The following PLXDC2 variants were observed in gnomAD, a reference collection of about 807,000 sequenced individuals.
PLXDC2 encodes plexin domain-containing protein 2.
PLXDC2 carries 40 observed loss-of-function variants against 68.9 expected under a neutral mutation model. That is an observed-to-expected ratio of 0.58 (90% CI 0.45 to 0.76). The LOEUF (loss-of-function observed/expected upper bound fraction) is 0.76. Ranked by LOEUF, PLXDC2 falls within the 30% of genes least tolerant of loss-of-function variation. The pLI is 0.00. For synonymous variants in PLXDC2, 243 were observed against 234.2 expected (o/e 1.04, Z -0.34); for missense variants, 644 against 661.9 (o/e 0.97, Z 0.30).
intron 4 of PLXDC2, among the ~76,000 whole-genome samples, chr10:20,069,268 G>C (rs1836275747): frequency 1.3e-5 from 2 of 152,298 alleles, no homozygotes; most frequent in East Asian, 1.9e-4. Context: ...CACCAACTCT[G>C]AGTGATGGTA....
intron 1 of PLXDC2, among the ~76,000 whole-genome samples, chr10:19,911,485 T>C (rs192123182): frequency 1.3e-5 from 2 of 151,216 alleles, no homozygotes; most frequent in East Asian, 3.9e-4. Flanking sequence ...CCTTACATTA[T>C]ATTTGCTTGT....
chr10:20,206,039 A>G (rs894603786), intron 9 of PLXDC2, among the ~76,000 whole-genome samples: 2 of 152,134 alleles, frequency 1.3e-5, no homozygotes, highest in African/African-American at 4.8e-5. Flanking sequence ...TGTTCTTATC[A>G]CAAAAAGATC....
At chr10:20,192,231 A>C (rs1191521182) in intron 9 of PLXDC2, among the ~76,000 whole-genome samples, 3 of 152,044 alleles carry the variant, frequency 2.0e-5, no homozygotes, top group Non-Finnish European at 4.4e-5. Context: ...AGCCTTACCA[A>C]GTATGTGCAC....
intron 1 of PLXDC2, among the ~76,000 whole-genome samples, chr10:19,963,855 C>T (rs1369257734): frequency 6.6e-6 from 1 of 151,446 alleles, no homozygotes; most frequent in African/African-American, 2.4e-5. Context: ...AAACAAAAAA[C>T]AAGCTTTTGT....
intron 12 of PLXDC2, among the ~76,000 whole-genome samples, chr10:20,226,509 C>T (rs1835289482): frequency 6.6e-6 from 1 of 152,150 alleles, no homozygotes; most frequent in African/African-American, 2.4e-5. Flanking sequence ...TTACAAAACA[C>T]TTTTGACCCA....
At chr10:19,836,021 A>T (rs925345635) in intron 1 of PLXDC2, among the ~76,000 whole-genome samples, 1 of 151,966 alleles carries the variant, frequency 6.6e-6, no homozygotes. Context: ...AAATAAAAAT[A>T]AAAAAATTAG....
intron 7 of PLXDC2, among the ~76,000 whole-genome samples, chr10:20,174,630 A>G (rs760131867): frequency 2.2e-4 from 33 of 152,060 alleles, no homozygotes; most frequent in Non-Finnish European, 3.2e-4. Context: ...ACATCACACA[A>G]TGGGGCCTGT....
chr10:19,937,932 G>A (rs1010664191), intron 1 of PLXDC2, among the ~76,000 whole-genome samples: 2 of 152,094 alleles, frequency 1.3e-5, no homozygotes, highest in East Asian at 1.9e-4. Context: ...GACTTTGTCT[G>A]ATATCAGTGG....
chr10:19,934,875 GAC>G (rs1833697031), intron 1 of PLXDC2, among the ~76,000 whole-genome samples: 1 of 150,320 alleles, frequency 6.7e-6, no homozygotes, highest in African/African-American at 2.5e-5. Context: ...AGGTGAAACA[GAC>G]CCTTTCACTG....
intron 2 of PLXDC2, among the ~76,000 whole-genome samples, chr10:20,009,865 G>A (rs1213952473): frequency 6.6e-6 from 1 of 151,660 alleles, no homozygotes; most frequent in Non-Finnish European, 1.5e-5. Flanking sequence ...ATACAGAAAG[G>A]CAAGTTTGCA....
At chr10:19,966,222 A>G (rs975593136) in intron 1 of PLXDC2, among the ~76,000 whole-genome samples, 3 of 126,074 alleles carry the variant, frequency 2.4e-5, no homozygotes, top group African/African-American at 7.4e-5. Context: ...CTACGTATAC[A>G]TATATACACA....
intron 4 of PLXDC2, among the ~76,000 whole-genome samples, chr10:20,104,008 A>G (rs1014576122): frequency 5.9e-5 from 9 of 152,220 alleles, no homozygotes; most frequent in South Asian, 2.1e-4. Flanking sequence ...CATGGGGTCC[A>G]GTACCTGAAG....
At chr10:19,891,613 T>C (rs1837965316) in intron 1 of PLXDC2, among the ~76,000 whole-genome samples, 1 of 152,188 alleles carries the variant, frequency 6.6e-6, no homozygotes, top group South Asian at 2.1e-4. Context: ...GCTTCCTGTG[T>C]CTTCCCTACA....
At chr10:20,179,828 A>C (rs1834577428) in intron 9 of PLXDC2, among the ~76,000 whole-genome samples, 1 of 152,054 alleles carries the variant, frequency 6.6e-6, no homozygotes, top group Non-Finnish European at 1.5e-5. Context: ...AGTGAAGGAA[A>C]CTGAAATTTT....
chr10:19,826,795 G>A lies in PLXDC2; in HGVS notation c.112+9604G>A, dbSNP rs1332497248. Among the ~76,000 whole-genome samples, 4 of 152,074 alleles carry A rather than the reference G, an allele frequency of 2.6e-5. No individual in the cohort carries two copies. The East Asian group carries it at 5.8e-4, about 22-fold the overall frequency. ...ATTTTATGAAAACCTTTTGTTTTACGTGAAGTGTGAGTAAATATAGCTCCT... is the reference window on the plus strand; with the variant it reads ...ATTTTATGAAAACCTTTTGTTTTACATGAAGTGTGAGTAAATATAGCTCCT... On this transcript the variant is annotated intron_variant, in intron 1 of 13. Coordinates refer to ENST00000377252, the MANE Select transcript of PLXDC2 (RefSeq NM_032812.9).
At chr10:19,888,553 T>C (rs1837889841) in intron 1 of PLXDC2, among the ~76,000 whole-genome samples, 1 of 152,118 alleles carries the variant, frequency 6.6e-6, no homozygotes. Flanking sequence ...AACCAGAATA[T>C]GGCTGTAGGG....
At chr10:19,852,464 A>AAAAAAAAAAAAAAAAAAAAAAAAAT (rs1837139652) in intron 1 of PLXDC2, among the ~76,000 whole-genome samples, 1 of 127,908 alleles carries the variant, frequency 7.8e-6, no homozygotes, top group Non-Finnish European at 1.6e-5. Context: ...AAAAAAAAAA[A>AAAAAAAAAAAAAAAAAAAAAAAAAT]AGTTTTCAAT....
At chr10:19,903,972 T>G (rs984197478) in intron 1 of PLXDC2, among the ~76,000 whole-genome samples, 6 of 152,192 alleles carry the variant, frequency 3.9e-5, no homozygotes, top group African/African-American at 1.4e-4. Flanking sequence ...TTATTTAATT[T>G]CCATCTATTT....
At chr10:19,987,389 C>T (rs1441499180) in intron 1 of PLXDC2, among the ~76,000 whole-genome samples, 4 of 152,080 alleles carry the variant, frequency 2.6e-5, no homozygotes, top group Non-Finnish European at 5.9e-5. Flanking sequence ...ACGTGCATCC[C>T]GCCGTCCCAG....
Sources: gnomAD v4.1 joint callset for allele counts (sites outside exome capture counted in the v4.1 genomes callset) on GRCh38, gnomAD v4.1.1 for gene constraint, MANE v1.5 for transcripts, NCBI Gene and HGNC (gene_info 2026-07-23, HGNC 2026-07-21) for gene names.